Variants in SLC23A2 observed in about 807,000 individuals in gnomAD.
SLC23A2 encodes solute carrier family 23 member 2, also known as Na(+)/L-ascorbic acid transporter 2.
In SLC23A2, 36 loss-of-function variants were observed where a neutral mutation model predicts 73.3. The observed-to-expected ratio is 0.49, with a 90% CI of 0.38 to 0.65. SLC23A2 has a LOEUF of 0.65. Among genes scored for constraint, SLC23A2 ranks in the 30% least tolerant of loss-of-function variants. SLC23A2 has a pLI of 0.00. For synonymous variants in SLC23A2, 343 were observed against 327.3 expected (o/e 1.05, Z -0.52); for missense variants, 507 against 841.6 (o/e 0.60, Z 4.92).
chr20:4,993,616 A>G (rs1156564760), intron 1 of SLC23A2, among the ~76,000 whole-genome samples: 2 of 152,130 alleles, frequency 1.3e-5, no homozygotes, highest in Non-Finnish European at 2.9e-5. Flanking sequence ...AAACAGAATG[A>G]GAAATTCACA....
At chr20:4,924,956 A>G (rs757488867) in intron 3 of SLC23A2, among the ~76,000 whole-genome samples, 5 of 152,170 alleles carry the variant, frequency 3.3e-5, no homozygotes, top group African/African-American at 4.8e-5. Flanking sequence ...AGGCTGAGGC[A>G]GAAGGATTGC....
Position 4,947,049 on chromosome 20 carries a change from C to T in SLC23A2, c.-154-14333G>A, listed in dbSNP as rs543123386. On this transcript the variant is annotated intron_variant, in intron 2 of 16. Coordinates refer to ENST00000338244, the MANE Select transcript of SLC23A2 (RefSeq NM_005116.6). The surrounding 1 kb of genome is among the most constrained non-coding windows in gnomAD (Gnocchi z 4.4). ...TCTCCTCAGTGCCAGGTGCTGCCCACACTGCCCACGCTGACCTCCAGAGTT... is the reference window on the plus strand; with the variant it reads ...TCTCCTCAGTGCCAGGTGCTGCCCATACTGCCCACGCTGACCTCCAGAGTT... 1.3e-5 allele frequency among the ~76,000 whole-genome samples: 2 copies of T among 152,300 alleles called. No individual in the cohort carries two copies. The highest frequency in any genetic ancestry group is 4.1e-4 in the South Asian group (2 of 4,828).
chr20:4,986,090 C>A (rs995678056), intron 1 of SLC23A2, among the ~76,000 whole-genome samples: 3 of 152,076 alleles, frequency 2.0e-5, no homozygotes, highest in Non-Finnish European at 4.4e-5. Flanking sequence ...AAAGGCCTTA[C>A]TTAAAGGTCT....
intron 3 of SLC23A2, among the ~76,000 whole-genome samples, chr20:4,924,433 C>A (rs1358745411): frequency 6.6e-6 from 1 of 152,232 alleles, no homozygotes; most frequent in Non-Finnish European, 1.5e-5. Flanking sequence ...TGGCTTCTCC[C>A]ACCTCCACAT....
At chr20:5,007,256 C>A (rs2088201786) in intron 1 of SLC23A2, among the ~76,000 whole-genome samples, 1 of 152,020 alleles carries the variant, frequency 6.6e-6, no homozygotes, top group Non-Finnish European at 1.5e-5. Context: ...TGTGGCCATG[C>A]CTGGTGGCTC....
intron 4 of SLC23A2, among the ~76,000 whole-genome samples, chr20:4,911,874 T>C (rs1023830477): frequency 4.6e-5 from 7 of 152,116 alleles, no homozygotes; most frequent in Non-Finnish European, 1.5e-5. Flanking sequence ...GACAGGGTCT[T>C]ACTCTGTCTT....
At chr20:4,859,077 C>A (rs1038877959) in intron 16 of SLC23A2, among the ~76,000 whole-genome samples, 5 of 152,220 alleles carry the variant, frequency 3.3e-5, no homozygotes, top group Admixed American at 2.6e-4. Flanking sequence ...TCCTTCAGCA[C>A]GAGAAACAAA....
At chr20:4,886,124 C>G in intron 6 of SLC23A2, 1 of 495,184 alleles carries the variant, frequency 2.0e-6, no homozygotes, top group Non-Finnish European at 3.6e-6. Flanking sequence ...CTCCTCCCAC[C>G]CAGGCAGCTC....
intron 2 of SLC23A2, among the ~76,000 whole-genome samples, chr20:4,969,082 G>A (rs140054657): frequency 1.4e-5 from 2 of 147,754 alleles, no homozygotes; most frequent in African/African-American, 4.9e-5. Context: ...GGTTTTTTTT[G>A]TTGTTGTCAT....
chr20:4,906,807 A>G (rs1931973596), intron 4 of SLC23A2, among the ~76,000 whole-genome samples: 1 of 152,246 alleles, frequency 6.6e-6, no homozygotes, highest in Non-Finnish European at 1.5e-5. Flanking sequence ...GGACAAAGCA[A>G]AGAGGAGATC....
At chr20:4,954,698 C>CAAAAAAA (rs200579910) in intron 2 of SLC23A2, among the ~76,000 whole-genome samples, 18 of 54,912 alleles carry the variant, frequency 3.3e-4, no homozygotes, top group African/African-American at 8.5e-4. Context: ...GACTCCATCA[C>CAAAAAAA]AAAAAAAAAA....
At chr20:4,948,642 T>C (rs2087153078) in intron 2 of SLC23A2, among the ~76,000 whole-genome samples, 1 of 152,246 alleles carries the variant, frequency 6.6e-6, no homozygotes, top group Non-Finnish European at 1.5e-5. Context: ...ATCAAAATTA[T>C]TGCAAAGCTT....
intron 1 of SLC23A2, among the ~76,000 whole-genome samples, chr20:4,992,300 T>G (rs532669364): frequency 6.4e-4 from 98 of 152,212 alleles, no homozygotes; most frequent in African/African-American, 2.2e-3. Flanking sequence ...AAGGTGTTAT[T>G]TTTTAAGTTA....
At chr20:4,957,793 C>A (rs1218317103) in intron 2 of SLC23A2, among the ~76,000 whole-genome samples, 4 of 149,806 alleles carry the variant, frequency 2.7e-5, no homozygotes, top group Non-Finnish European at 4.4e-5. Flanking sequence ...CCCAGCTACT[C>A]GGGAGGCTGA....
At chr20:5,005,835 A>G (rs1204091547), upstream of SLC23A2, among the ~76,000 whole-genome samples, 2 of 152,006 alleles carry the variant, frequency 1.3e-5, no homozygotes, top group Non-Finnish European at 2.9e-5. Context: ...AAAAATACAA[A>G]ATTAGCCGGG....
intron 2 of SLC23A2, among the ~76,000 whole-genome samples, chr20:4,943,596 G>A (rs1411694288): frequency 1.3e-5 from 2 of 150,540 alleles, no homozygotes; most frequent in Admixed American, 1.3e-4. Flanking sequence ...GATGGCTTGA[G>A]TCCAGAAGGT....
At chr20:4,941,993 C>T (rs574494986) in intron 2 of SLC23A2, among the ~76,000 whole-genome samples, 2 of 152,112 alleles carry the variant, frequency 1.3e-5, no homozygotes, top group Middle Eastern at 6.8e-3. Context: ...TTTTACTCCT[C>T]TATATTTTCT....
chr20:4,874,491 C>T, intron 10 of SLC23A2, 85 bp downstream of exon 10: 2 of 1,307,822 alleles, frequency 1.5e-6, no homozygotes, highest in Non-Finnish European at 2.1e-6. Flanking sequence ...CAAGGAGGGC[C>T]TGCTTAAAAC....
At chr20:4,880,083 T>C (rs193290920) in intron 9 of SLC23A2, among the ~76,000 whole-genome samples, 2 of 152,300 alleles carry the variant, frequency 1.3e-5, no homozygotes. Context: ...CAGCTCAGGA[T>C]TTGTTTGTTT....
Sources: allele counts gnomAD v4.1 joint callset (sites outside exome capture counted in the v4.1 genomes callset), GRCh38; gene constraint gnomAD v4.1.1; non-coding constraint Gnocchi (gnomAD v3.1); transcripts MANE v1.5; gene names NCBI Gene and HGNC (gene_info 2026-07-23, HGNC 2026-07-21).